Variants in NALF1 observed in about 807,000 individuals in gnomAD.
NALF1 encodes the protein family with sequence similarity 155 member A.
Under a neutral mutation model 48.4 loss-of-function variants are expected in NALF1, and 3 were observed. The ratio of observed to expected loss-of-function variants is 0.06; its 90% confidence interval spans 0.03 to 0.16. The LOEUF is 0.16. Ranked by LOEUF, NALF1 falls within the 10% of genes least tolerant of loss-of-function variation. NALF1 has a pLI of 1.00. For synonymous variants in NALF1, 262 were observed against 245.7 expected (o/e 1.07, Z -0.62); for missense variants, 526 against 571.5 (o/e 0.92, Z 0.81).
intron 1 of NALF1, among the ~76,000 whole-genome samples, chr13:107,422,173 G>A (rs898707183): frequency 1.3e-5 from 2 of 152,114 alleles, no homozygotes; most frequent in East Asian, 1.9e-4. Context: ...CTCTAAACAT[G>A]ACTGTGCTGG....
chr13:107,784,544 A>C lies in NALF1; in HGVS notation c.915+81138T>G, dbSNP rs144293590. On this transcript the variant is annotated intron_variant, in intron 1 of 2. Coordinates refer to ENST00000375915, the MANE Select transcript of NALF1 (RefSeq NM_001080396.3). ...AAAAAGAGGTTGCTCCAGTAGGAAA[A>C]AAACAAACAAACAAACAAACAATTC... Among the ~76,000 whole-genome samples the C allele has an allele frequency of 2.6e-3, 392 of 152,280 alleles. 1 individual carries two copies. The highest frequency in any genetic ancestry group is 0.01 in the Middle Eastern group (3 of 294).
intron 1 of NALF1, among the ~76,000 whole-genome samples, chr13:107,230,311 A>T (rs1182971360): frequency 6.6e-6 from 1 of 152,136 alleles, no homozygotes; most frequent in Non-Finnish European, 1.5e-5. Context: ...TACTCATAAA[A>T]GGTAGGGCAC....
chr13:107,403,745 A>T (rs72650584), intron 1 of NALF1, among the ~76,000 whole-genome samples: 1 of 151,350 alleles, frequency 6.6e-6, no homozygotes, highest in South Asian at 2.1e-4. Context: ...CACCTTTTTT[A>T]GAAACATATT....
At chr13:107,537,229 T>G (rs1874413224) in intron 1 of NALF1, among the ~76,000 whole-genome samples, 1 of 151,920 alleles carries the variant, frequency 6.6e-6, no homozygotes, top group Non-Finnish European at 1.5e-5. Flanking sequence ...TAAAGTATAA[T>G]TTTTAAAAAG....
intron 1 of NALF1, among the ~76,000 whole-genome samples, chr13:107,592,815 TTAAAAA>T (rs1878634624): frequency 1.3e-5 from 2 of 151,910 alleles, no homozygotes; most frequent in Non-Finnish European, 2.9e-5. Context: ...CGATAAATTC[TTAAAAA>T]TAAAGATACA....
intron 1 of NALF1, among the ~76,000 whole-genome samples, chr13:107,677,436 G>T (rs943210316): frequency 6.6e-6 from 1 of 152,158 alleles, no homozygotes; most frequent in Admixed American, 6.6e-5. Context: ...AGACAGTTTT[G>T]TAACTCTCCT....
At chr13:107,716,278 C>T (rs1291997142) in intron 1 of NALF1, among the ~76,000 whole-genome samples, 1 of 152,190 alleles carries the variant, frequency 6.6e-6, no homozygotes, top group African/African-American at 2.4e-5. Flanking sequence ...TTCAACCACT[C>T]GAGAGCAGTG....
intron 1 of NALF1, among the ~76,000 whole-genome samples, chr13:107,759,284 C>T (rs982442473): frequency 1.3e-5 from 2 of 152,218 alleles, no homozygotes; most frequent in African/African-American, 4.8e-5. Context: ...TCTCAGCTCA[C>T]TGGATCCTCT....
chr13:107,426,860 G>A (rs189732264), intron 1 of NALF1, among the ~76,000 whole-genome samples: 63 of 151,990 alleles, frequency 4.1e-4, no homozygotes, highest in African/African-American at 1.4e-3. Context: ...GTTATCTTGA[G>A]TCATAAAATA....
At chr13:107,197,528 T>C (rs1594065308) in intron 2 of NALF1, among the ~76,000 whole-genome samples, 1 of 152,196 alleles carries the variant, frequency 6.6e-6, no homozygotes, top group African/African-American at 2.4e-5. Flanking sequence ...TAGACAAATA[T>C]GACCAAGAAA....
rs7323597 is a variant in NALF1, at chr13:107,474,168, C to T, written c.916-263413G>A. On this transcript the variant is annotated intron_variant, in intron 1 of 2. Coordinates refer to ENST00000375915, the MANE Select transcript of NALF1 (RefSeq NM_001080396.3). ...GAAATTAAGGGACAGTATAGGATAA[C>T]AACAGGCATATAAGTTATTATAGTA... 8.0e-3 allele frequency among the ~76,000 whole-genome samples: 1,224 copies of T among 152,168 alleles called. 20 individuals carry two copies. Among genetic ancestry groups the T allele is most frequent in the African/African-American group, 0.028 (1,168 of 41,508 alleles).
intron 1 of NALF1, among the ~76,000 whole-genome samples, chr13:107,275,150 C>T (rs1416629313): frequency 6.6e-6 from 1 of 152,162 alleles, no homozygotes; most frequent in Non-Finnish European, 1.5e-5. Flanking sequence ...TCAAAATAGC[C>T]AGTGTCGACC....
chr13:107,182,432 G>C (rs11842967), intron 2 of NALF1, among the ~76,000 whole-genome samples: 7,077 of 151,900 alleles, frequency 0.047, 526 homozygotes, highest in African/African-American at 0.16. Context: ...ATGCCACCAC[G>C]CCTGGCTAAT....
At chr13:107,816,366 G>C (rs1369189118) in intron 1 of NALF1, among the ~76,000 whole-genome samples, 1 of 152,162 alleles carries the variant, frequency 6.6e-6, no homozygotes, top group African/African-American at 2.4e-5. Flanking sequence ...CACGTGGCTG[G>C]GGAGGCCTCA....
intron 1 of NALF1, among the ~76,000 whole-genome samples, chr13:107,266,271 G>A (rs564635057): frequency 9.5e-4 from 145 of 152,228 alleles, no homozygotes; most frequent in Non-Finnish European, 1.8e-3. Flanking sequence ...TGTTTTGTGG[G>A]TTTGTTTACA....
intron 1 of NALF1, among the ~76,000 whole-genome samples, chr13:107,818,868 T>C (rs1217088204): frequency 4.0e-5 from 2 of 50,560 alleles, no homozygotes; most frequent in African/African-American, 3.3e-4. Context: ...CGAGACTCCG[T>C]CTCAAAAAAA....
intron 1 of NALF1, among the ~76,000 whole-genome samples, chr13:107,831,287 T>G (rs1270460872): frequency 6.6e-6 from 1 of 152,196 alleles, no homozygotes; most frequent in African/African-American, 2.4e-5. Flanking sequence ...AACTTTACCG[T>G]ACATGTATAC....
At chr13:107,321,518 T>C (rs1882254407) in intron 1 of NALF1, among the ~76,000 whole-genome samples, 1 of 152,150 alleles carries the variant, frequency 6.6e-6, no homozygotes, top group South Asian at 2.1e-4. Context: ...GAATAATTAG[T>C]GAGATGACTT....
chr13:107,269,913 A>ATTTTTTTT (rs71121514), intron 1 of NALF1, among the ~76,000 whole-genome samples: 36 of 89,056 alleles, frequency 4.0e-4, no homozygotes, highest in African/African-American at 5.8e-4. Context: ...CGCCCGGCTA[A>ATTTTTTTT]TTTTTTTTTT....
Sources: gnomAD v4.1 joint callset for allele counts (sites outside exome capture counted in the v4.1 genomes callset) on GRCh38, gnomAD v4.1.1 for gene constraint, MANE v1.5 for transcripts, NCBI Gene and HGNC (gene_info 2026-07-23, HGNC 2026-07-21) for gene names.